CDH9: variants seen among roughly 807,000 people sequenced by gnomAD.
CDH9 encodes the protein cadherin-9.
CDH9 carries 28 observed loss-of-function variants against 70.9 expected under a neutral mutation model. That is an observed-to-expected ratio of 0.40 (90% confidence interval 0.29 to 0.54). The LOEUF is 0.54. Among genes scored for constraint, CDH9 ranks in the 20% least tolerant of loss-of-function variants. The pLI, the probability that CDH9 is intolerant of heterozygous loss-of-function variation, is 0.59. For missense variants in CDH9, 874 were observed against 984.4 expected (o/e 0.89, Z 1.50); for synonymous variants, 409 against 343.1 (o/e 1.19, Z -2.12).
chr5:27,027,002 G>A (rs1743231216), intron 1 of CDH9, among the ~76,000 whole-genome samples: 1 of 151,826 alleles, frequency 6.6e-6, no homozygotes, highest in Admixed American at 6.6e-5. Flanking sequence ...ACTAAAAGGG[G>A]GAAGTCGTAA....
At chr5:27,013,498 T>C (rs760710303) in intron 1 of CDH9, among the ~76,000 whole-genome samples, 40 of 152,082 alleles carry the variant, frequency 2.6e-4, no homozygotes, top group Non-Finnish European at 5.2e-4. Flanking sequence ...CGCTATTATA[T>C]GTGGCTATTT....
At chr5:26,901,511 A>G (rs1385995426) in intron 7 of CDH9, among the ~76,000 whole-genome samples, 1 of 151,972 alleles carries the variant, frequency 6.6e-6, no homozygotes, top group Non-Finnish European at 1.5e-5. Context: ...ATGGTTATAT[A>G]TTTAGTATTG....
intron 2 of CDH9, among the ~76,000 whole-genome samples, chr5:26,987,186 T>C (rs1742503435): frequency 6.7e-6 from 1 of 149,060 alleles, no homozygotes; most frequent in Non-Finnish European, 1.5e-5. Flanking sequence ...CATTACAGTC[T>C]CTCCAAGTAC....
intron 1 of CDH9, among the ~76,000 whole-genome samples, chr5:26,998,268 G>T (rs553317833): frequency 6.6e-6 from 1 of 152,084 alleles, no homozygotes. Flanking sequence ...TCTGTAGGTT[G>T]CCTATTCACT....
intron 2 of CDH9, among the ~76,000 whole-genome samples, chr5:26,929,301 T>A (rs1365084039): frequency 2.0e-5 from 3 of 151,992 alleles, no homozygotes; most frequent in African/African-American, 7.2e-5. Flanking sequence ...ATCATCTAAT[T>A]CCAATTTAAA....
At chr5:27,002,362 T>C (rs920866140) in intron 1 of CDH9, among the ~76,000 whole-genome samples, 8 of 152,124 alleles carry the variant, frequency 5.3e-5, no homozygotes, top group Admixed American at 4.6e-4. Context: ...GACAGTGTGG[T>C]GATTCCTCAA....
chr5:26,918,519 T>G (rs1283303854), intron 2 of CDH9, among the ~76,000 whole-genome samples: 1 of 152,170 alleles, frequency 6.6e-6, no homozygotes, highest in African/African-American at 2.4e-5. Flanking sequence ...TAAAACTAAC[T>G]TTTCACATAA....
chr5:26,946,408 G>A (rs1424526547), intron 2 of CDH9, among the ~76,000 whole-genome samples: 2 of 151,974 alleles, frequency 1.3e-5, no homozygotes, highest in African/African-American at 4.8e-5. Flanking sequence ...TATTGGGCAG[G>A]ATTGTATTGA....
At chr5:26,990,307 A>G (rs1411229170) in intron 1 of CDH9, among the ~76,000 whole-genome samples, 2 of 152,180 alleles carry the variant, frequency 1.3e-5, no homozygotes, top group African/African-American at 2.4e-5. Context: ...CAACACATCT[A>G]TGTACCTTGA....
intron 2 of CDH9, among the ~76,000 whole-genome samples, chr5:26,937,471 C>T (rs1741579770): frequency 6.6e-6 from 1 of 152,008 alleles, no homozygotes; most frequent in Non-Finnish European, 1.5e-5. Flanking sequence ...GAGTTTCCTA[C>T]AAAGCTAAAC....
At chr5:26,990,799 T>C (rs1231648767) in intron 1 of CDH9, among the ~76,000 whole-genome samples, 1 of 152,178 alleles carries the variant, frequency 6.6e-6, no homozygotes, top group Non-Finnish European at 1.5e-5. Flanking sequence ...TTCCCACTGG[T>C]AGAATTTGTT....
intron 7 of CDH9, among the ~76,000 whole-genome samples, chr5:26,897,889 G>T (rs1433345041): frequency 6.6e-6 from 1 of 152,132 alleles, no homozygotes; most frequent in African/African-American, 2.4e-5. Flanking sequence ...AATTGTGTCT[G>T]TTTGCAGATG....
intron 3 of CDH9, among the ~76,000 whole-genome samples, chr5:26,913,757 TTGTGTG>T (rs5866811): frequency 0.12 from 17,196 of 145,496 alleles, 1,040 homozygotes; most frequent in Middle Eastern, 0.33. Flanking sequence ...ACATATATGT[TTGTGTG>T]TGTGTGTGTG....
intron 7 of CDH9, among the ~76,000 whole-genome samples, chr5:26,900,722 A>C (rs1037794511): frequency 1.2e-4 from 19 of 152,114 alleles, no homozygotes. Context: ...TTACTTCTAA[A>C]ATGAATGTAG....
At chr5:26,983,406 T>G (rs1331012754) in intron 2 of CDH9, among the ~76,000 whole-genome samples, 1 of 152,128 alleles carries the variant, frequency 6.6e-6, no homozygotes, top group Admixed American at 6.6e-5. Flanking sequence ...ATTACAAAAA[T>G]AAGTATAAAT....
At chr5:26,944,437 G>C (rs1048865165) in intron 2 of CDH9, among the ~76,000 whole-genome samples, 3 of 152,128 alleles carry the variant, frequency 2.0e-5, no homozygotes, top group African/African-American at 7.2e-5. Context: ...GATCGCTTGA[G>C]TCCAGGAGTT....
chr5:26,929,303 C>A (rs556882654), intron 2 of CDH9, among the ~76,000 whole-genome samples: 1 of 151,896 alleles, frequency 6.6e-6, no homozygotes, highest in African/African-American at 2.4e-5. Context: ...CATCTAATTC[C>A]AATTTAAATG....
chr5:26,960,491 T>C (rs1742015512), intron 2 of CDH9, among the ~76,000 whole-genome samples: 1 of 151,948 alleles, frequency 6.6e-6, no homozygotes. Flanking sequence ...AATAAAAATC[T>C]CTGGATAGTA....
intron 1 of CDH9, among the ~76,000 whole-genome samples, chr5:27,020,629 A>G (rs1463176273): frequency 2.0e-5 from 3 of 151,568 alleles, no homozygotes; most frequent in Non-Finnish European, 3.0e-5. Flanking sequence ...AAAGTTGCAC[A>G]GACTTTTGTT....
Sources: allele counts gnomAD v4.1 joint callset (sites outside exome capture counted in the v4.1 genomes callset), GRCh38; gene constraint gnomAD v4.1.1; transcripts MANE v1.5; gene names NCBI Gene and HGNC (gene_info 2026-07-23, HGNC 2026-07-21).